DPH1: variants seen among roughly 807,000 people sequenced by gnomAD.
DPH1 encodes the protein diphthamide biosynthesis 1, also known as 2-(3-amino-3-carboxypropyl)histidine synthase subunit 1.
Under a neutral mutation model 55.3 loss-of-function variants are expected in DPH1, and 59 were observed. That is an observed-to-expected ratio of 1.07 (90% CI 0.87 to 1.33). DPH1 has a LOEUF of 1.33. Among genes scored for constraint, DPH1 ranks in the 40% most tolerant of loss-of-function variants. The pLI is 0.00. For synonymous variants in DPH1, 238 were observed against 235.5 expected, an observed-to-expected ratio of 1.01 and a Z score of -0.10; for missense variants, 628 against 584.8, an observed-to-expected ratio of 1.07 and a Z score of -0.76.
At position 2,041,836 on chromosome 17, in the gene DPH1, G is replaced by C. The variant is rs760558224; in HGVS notation, c.1296G>C (p.Lys432Asn). The stretch of plus-strand genomic sequence containing the variant: ...AGGACTGCAGCTGCAGGGACGAGAA[G>C]GTGGCGCCGCTGGCTCCTTGACGCG... ...ACEDCSCRDE[K>N]VAPLAP The change falls in exon 12 of 13, where the codon AAG becomes AAC. Residue 432 changes from lysine to asparagine, a missense_variant. Coordinates refer to ENST00000263083, the MANE Select transcript of DPH1 (RefSeq NM_001383.6). 6.2e-6 allele frequency: 10 copies of C among 1,602,704 alleles called. No homozygotes were observed. Among genetic ancestry groups the C allele is most frequent in the African/African-American group, 1.3e-5 (1 of 74,718 alleles).
chr17:2,031,078 A>G (rs989182177), intron 1 of DPH1, among the ~76,000 whole-genome samples: 21 of 152,296 alleles, frequency 1.4e-4, no homozygotes, highest in Non-Finnish European at 1.5e-4. Context: ...TTGCCTTTTC[A>G]TATCCTCAGA....
In DPH1 at chr17:2,041,825, A is replaced by T. The variant is rs1353666549; in HGVS notation, c.1285A>T (p.Arg429Trp). The T allele has an allele frequency of 1.4e-5, 23 of 1,604,468 alleles. No individual in the cohort carries two copies. In the East Asian group the frequency reaches 4.7e-4, roughly 33 times the overall value. The change falls in exon 12 of 13, where the codon AGG (arginine) becomes TGG (tryptophan). Residue 429 changes from arginine to tryptophan, a missense_variant. Physicochemically the swap from Arg to Trp is moderately radical, Grantham distance 101. Transcript: ENST00000263083. ...SAVACEDCSC[R>W]DEKVAPLAP Reference sequence around the variant, plus strand: ...CGTGGCTTGCGAGGACTGCAGCTGCAGGGACGAGAAGGTGGCGCCGCTGGC... The same window carrying T: ...CGTGGCTTGCGAGGACTGCAGCTGCTGGGACGAGAAGGTGGCGCCGCTGGC...
At position 2,033,559 on chromosome 17, in the gene DPH1, A is replaced by C; in HGVS notation, c.116A>C (p.Asn39Thr). ...CAGATCCCCCCTGAGATCCTGAAGA[A>C]CCCTCAGCTGCAGGCAGCAATCCGG... ...ANQIPPEILK[N>T]PQLQAAIRVL... Residue 39 changes from asparagine (N) to threonine (T), a missense_variant, in exon 2 of 13, where the codon AAC becomes ACC. Coordinates refer to ENST00000263083, the MANE Select transcript of DPH1 (RefSeq NM_001383.6). 1 of 1,614,180 alleles carries C rather than the reference A, an allele frequency of 6.2e-7. No homozygotes were observed. Among genetic ancestry groups the C allele is most frequent in the African/African-American group, 1.3e-5 (1 of 75,050 alleles).
Position 2,043,563 on chromosome 17 carries a change from A to C in DPH1, c.*977A>C, listed in dbSNP as rs1597293448. 6.0e-6 allele frequency: 1 copy of C among 165,378 alleles called. No individual in the cohort carries two copies. Among genetic ancestry groups the C allele is most frequent in the East Asian group, 1.7e-4 (1 of 5,760 alleles). The allele number at this position is 165,378 out of a possible 1,614,324, so 10.2% of individuals were successfully genotyped here. On this transcript the variant is annotated 3_prime_UTR_variant, in exon 13 of 13. Coordinates refer to ENST00000263083, the MANE Select transcript of DPH1 (RefSeq NM_001383.6). ...TGTGAGTCCTCGGACAGGCTGCTGC[A>C]TGGGTGCACATACTCACGTTATTGG...
Position 2,033,804 on chromosome 17 carries a change from C to T in DPH1, c.240C>T (p.Leu80=). ...KKVALQMPEG[L]LLFACTIVDI... is the part of the protein sequence containing the mutation. ...TGGCCTTGCAAATGCCGGAAGGCCT[C>T]CTCCTCTTTGCCTGTACCATTGTGG... Residue 80 remains leucine (L), a synonymous_variant, in exon 3 of 13, where the codon CTC becomes CTT. Coordinates refer to ENST00000263083, the MANE Select transcript of DPH1 (RefSeq NM_001383.6). 1.2e-6 allele frequency: 2 copies of T among 1,614,216 alleles called. No individual in the cohort carries two copies. Among genetic ancestry groups the T allele is most frequent in the Non-Finnish European group, 1.7e-6 (2 of 1,180,052 alleles).
At chr17:2,033,361 TG>T in intron 1 of DPH1, 143 bp from the exon 2 acceptor site, 1 of 1,244,066 alleles carries the variant, frequency 8.0e-7, no homozygotes, top group Non-Finnish European at 1.1e-6. Flanking sequence ...CTAAGATGCC[TG>T]GGATTTTTCT....
chr17:2,037,335 T>G, intron 6 of DPH1: 1 of 169,208 alleles, frequency 5.9e-6, no homozygotes, highest in South Asian at 1.6e-4. Context: ...CCTAATTATT[T>G]TAGGTAATGG....
At position 2,034,203 on chromosome 17, in the gene DPH1, G is replaced by T. The variant is rs1015817451; in HGVS notation, c.278+361G>T. ...TGAGTGATCAGTGGGAGGTCTGCCG[G>T]TCGGGGGCGGTGGGGGGCACCTGTT... On this transcript the variant is annotated intron_variant, in intron 3 of 12. Coordinates refer to ENST00000263083, the MANE Select transcript of DPH1 (RefSeq NM_001383.6). Among the ~76,000 whole-genome samples, 3 of 152,032 alleles carry T rather than the reference G, an allele frequency of 2.0e-5. No individual in the cohort carries two copies. In the East Asian group the frequency reaches 5.8e-4, roughly 29 times the overall value.
chr17:2,036,616 T>G lies in DPH1; in HGVS notation c.488T>G (p.Leu163Arg). Residue 163 changes from leucine to arginine, a missense_variant, in exon 5 of 13, where the codon CTC becomes CGC. Leu to Arg is a moderately radical substitution (Grantham distance 102, BLOSUM62 -2). Transcript: ENST00000263083. This position sits in a 1 kb window ranked among gnomAD's most constrained non-coding sequence, Gnocchi z 4.8. ...GACACTACACACCTCCTGGACTCTCTCCGCCTCACCTTTCCCCCAGCCACT... is the reference window on the plus strand; with the variant it reads ...GACACTACACACCTCCTGGACTCTCGCCGCCTCACCTTTCCCCCAGCCACT... ...RIDTTHLLDS[L>R]RLTFPPATAL... is the part of the protein sequence containing the mutation. 6 of 1,614,100 alleles carry G rather than the reference T, an allele frequency of 3.7e-6. No individual in the cohort carries two copies. The highest frequency in any genetic ancestry group is 5.1e-6 in the Non-Finnish European group (6 of 1,180,010).
At position 2,039,745 on chromosome 17, in the gene DPH1, A is replaced by G. The variant is rs1446812845; in HGVS notation, c.681-10A>G. On this transcript the variant is annotated splice_polypyrimidine_tract_variant and intron_variant, in intron 6 of 12. Coordinates refer to ENST00000263083, the MANE Select transcript of DPH1 (RefSeq NM_001383.6). ...CTAAACCACACTTAGCCTCCTTTCC[A>G]CCCCTGCAGGTATCTTGGAGATGGC... 1.9e-6 allele frequency: 3 copies of G among 1,612,894 alleles called. No homozygotes were observed. The highest frequency in any genetic ancestry group is 2.5e-6 in the Non-Finnish European group (3 of 1,179,774).
chr17:2,042,469 CTCTCATTTCCCCCA>C (rs1184312059), intron 12 of DPH1, 122 bp from the exon 13 acceptor site: 4 of 1,344,698 alleles, frequency 3.0e-6, no homozygotes, highest in East Asian at 5.2e-5. Flanking sequence ...CATTTCCCCC[CTCTCATTTCCCCCA>C]GACTTTTGCC....
intron 3 of DPH1, chr17:2,035,002 T>C (rs1020133274): frequency 1.3e-5 from 2 of 151,404 alleles, no homozygotes; most frequent in African/African-American, 4.9e-5. Context: ...CTTAGACGCC[T>C]GGGCTGCATT....
In DPH1 at chr17:2,041,840, G is replaced by A. The variant is rs763773937; in HGVS notation, c.1300G>A (p.Ala434Thr). 8 of 1,600,824 alleles carry A rather than the reference G, an allele frequency of 5.0e-6. No homozygotes were observed. The Admixed American group carries it at 1.2e-4, about 24-fold the overall frequency. The change falls in exon 12 of 13, where the codon GCG (alanine) becomes ACG (threonine). Residue 434 changes from alanine (A) to threonine (T), a missense_variant. Coordinates refer to ENST00000263083, the MANE Select transcript of DPH1 (RefSeq NM_001383.6). Reference protein sequence around the residue: ...EDCSCRDEKVAPLAP With the variant: ...EDCSCRDEKVTPLAP ...CTGCAGCTGCAGGGACGAGAAGGTGGCGCCGCTGGCTCCTTGACGCGCTCC... is the reference window on the plus strand; with the variant it reads ...CTGCAGCTGCAGGGACGAGAAGGTGACGCCGCTGGCTCCTTGACGCGCTCC...
rs571132032 is a variant in DPH1 at position 2,042,807 on chromosome 17, T to A, written c.*221T>A. The A allele has an allele frequency of 6.2e-7, 1 of 1,613,918 alleles. No homozygotes were observed. The highest frequency in any genetic ancestry group is 8.5e-7 in the Non-Finnish European group (1 of 1,180,022). On this transcript the variant is annotated 3_prime_UTR_variant, in exon 13 of 13. Transcript: ENST00000263083. Reference sequence around the variant, plus strand: ...GGGCTGCGCTAGCAGCCCTTGTGTGTGCCCTGGGCCAGGCAGGCGATCCCC... The same window carrying A: ...GGGCTGCGCTAGCAGCCCTTGTGTGAGCCCTGGGCCAGGCAGGCGATCCCC...
chr17:2,035,987 T>G lies in DPH1; in HGVS notation c.296T>G (p.Val99Gly), dbSNP rs201053980. ...GCCCGCAGGTTCACGGAGGCCGAAG[T>G]GATGGTGATGGGTGACGTGACCTAC... Reference protein sequence around the residue: ...DILERFTEAEVMVMGDVTYGA... With the variant: ...DILERFTEAEGMVMGDVTYGA... The change falls in exon 4 of 13, where the codon GTG becomes GGG. Residue 99 changes from valine to glycine, a missense_variant. By Grantham distance (109) the Val-to-Gly change is moderately radical (BLOSUM62 -3). Coordinates refer to ENST00000263083, the MANE Select transcript of DPH1 (RefSeq NM_001383.6). The G allele has an allele frequency of 1.5e-4, 237 of 1,613,796 alleles. No individual in the cohort carries two copies. The highest frequency in any genetic ancestry group is 1.7e-4 in the Middle Eastern group (1 of 6,058).
intron 7 of DPH1, 57 bp from the exon 8 acceptor site, chr17:2,040,161 G>A (rs758307218): frequency 2.6e-4 from 410 of 1,601,872 alleles, no homozygotes; most frequent in Middle Eastern, 1.0e-3. Context: ...GGAGCTGTGT[G>A]CATAATACTG....
intron 3 of DPH1, 100 bp downstream of exon 3, chr17:2,033,942 C>T: frequency 7.3e-7 from 1 of 1,365,072 alleles, no homozygotes; most frequent in Admixed American, 1.8e-5. Context: ...GCATTTTTTC[C>T]TTCTGAACCT....
At chr17:2,041,378 G>T in intron 10 of DPH1, 103 bp from the exon 11 acceptor site, 1 of 1,511,992 alleles carries the variant, frequency 6.6e-7, no homozygotes, top group South Asian at 1.3e-5. Context: ...TTCTGTGGCA[G>T]GGGACAGTGT....
At chr17:2,040,773 T>C in intron 9 of DPH1, 168 bp downstream of exon 9, 1 of 735,050 alleles carries the variant, frequency 1.4e-6, no homozygotes, top group South Asian at 1.8e-5. Context: ...CTTTGGGACT[T>C]TGGGGCTCAG....
Sources: gnomAD v4.1 joint callset for allele counts (sites outside exome capture counted in the v4.1 genomes callset) on GRCh38, gnomAD v4.1.1 for gene constraint, Gnocchi (gnomAD v3.1) non-coding constraint, MANE v1.5 for transcripts, NCBI Gene and HGNC (gene_info 2026-07-23, HGNC 2026-07-21) for gene names.